ERC1: variants seen among roughly 807,000 people sequenced by gnomAD.
The protein encoded by ERC1 is ELKS/RAB6-interacting/CAST family member 1.
In ERC1, 56 loss-of-function variants were observed where a neutral mutation model predicts 132.0. The observed-to-expected ratio is 0.42, with a 90% CI of 0.34 to 0.53. ERC1 has a LOEUF of 0.53. ERC1 is among the 20% of genes least tolerant of loss of function. The pLI is 0.03. For synonymous variants in ERC1, 478 were observed against 476.1 expected (o/e 1.00, Z -0.05); for missense variants, 1,202 against 1,349.9 (o/e 0.89, Z 1.72).
chr12:1,200,836 G>A (rs1956849385), intron 12 of ERC1, among the ~76,000 whole-genome samples: 1 of 152,128 alleles, frequency 6.6e-6, no homozygotes, highest in African/African-American at 2.4e-5. Context: ...GGGATTTCAG[G>A]CGTGAGCCAC....
intron 16 of ERC1, among the ~76,000 whole-genome samples, chr12:1,397,881 A>G (rs1320412533): frequency 6.6e-6 from 1 of 151,956 alleles, no homozygotes; most frequent in East Asian, 1.9e-4. Context: ...ATCTAATTAT[A>G]TATTAAATTG....
chr12:1,279,275 C>A (rs147198356), intron 14 of ERC1, among the ~76,000 whole-genome samples: 2,425 of 152,250 alleles, frequency 0.016, 33 homozygotes, highest in Non-Finnish European at 0.025. Context: ...TGAAGCAGAA[C>A]TGAAGCCCCC....
At chr12:1,061,113 C>G (rs1046086325) in intron 2 of ERC1, among the ~76,000 whole-genome samples, 1 of 152,076 alleles carries the variant, frequency 6.6e-6, no homozygotes, top group African/African-American at 2.4e-5. Flanking sequence ...CCGATCTTGG[C>G]AAGTTCTATA....
intron 8 of ERC1, among the ~76,000 whole-genome samples, chr12:1,160,369 T>G (rs149645995): frequency 6.6e-5 from 10 of 152,352 alleles, no homozygotes; most frequent in Non-Finnish European, 1.2e-4. Flanking sequence ...TCACTTTGTT[T>G]GCAGGTCCAG....
chr12:1,031,439 C>T (rs1031524764), intron 2 of ERC1, among the ~76,000 whole-genome samples: 1 of 152,140 alleles, frequency 6.6e-6, no homozygotes, highest in Non-Finnish European at 1.5e-5. Context: ...TTTAATGCCT[C>T]CTACCATTCT....
At chr12:1,274,480 T>TTTTATTTTA (rs1555340356) in intron 14 of ERC1, among the ~76,000 whole-genome samples, 17 of 150,136 alleles carry the variant, frequency 1.1e-4, no homozygotes, top group Middle Eastern at 3.2e-3. Flanking sequence ...TTTTATTTTA[T>TTTTATTTTA]TTTATTTATT....
chr12:1,437,775 G>T (rs1287444953), intron 17 of ERC1, among the ~76,000 whole-genome samples: 1 of 152,110 alleles, frequency 6.6e-6, no homozygotes, highest in African/African-American at 2.4e-5. Flanking sequence ...TGTTTTGTTT[G>T]CTAGAGTGGT....
At position 1,486,007 on chromosome 12, in the gene ERC1, C is replaced by T. The variant is rs149781448; in HGVS notation, c.3214-4086C>T. 7.9e-4 allele frequency among the ~76,000 whole-genome samples: 120 copies of T among 152,286 alleles called. 1 individual carries two copies. The highest frequency in any genetic ancestry group is 2.7e-3 in the African/African-American group (112 of 41,544). On this transcript the variant is annotated intron_variant, in intron 18 of 18. Transcript: ENST00000360905. Reference sequence around the variant, plus strand: ...AACCATAAATGGGCCTAGTTGACCCCGTACAGTTCATTGACTTCATATGCT... The same window carrying T: ...AACCATAAATGGGCCTAGTTGACCCTGTACAGTTCATTGACTTCATATGCT...
At chr12:1,402,192 G>C (rs1299870622) in intron 16 of ERC1, among the ~76,000 whole-genome samples, 1 of 152,208 alleles carries the variant, frequency 6.6e-6, no homozygotes, top group Non-Finnish European at 1.5e-5. Flanking sequence ...TGCTGCTAAA[G>C]CAGTTCTTGG....
At chr12:1,395,424 AG>A (rs2090449167) in intron 16 of ERC1, among the ~76,000 whole-genome samples, 1 of 129,752 alleles carries the variant, frequency 7.7e-6, no homozygotes, top group Non-Finnish European at 1.6e-5. Context: ...TTTTTTTTTC[AG>A]TTTTAAAATG....
intron 12 of ERC1, among the ~76,000 whole-genome samples, chr12:1,220,623 AG>A (rs1451062325): frequency 6.6e-6 from 1 of 152,254 alleles, no homozygotes. Flanking sequence ...GCTCTTCAGC[AG>A]GGATTGGCAA....
intron 2 of ERC1, among the ~76,000 whole-genome samples, chr12:1,074,097 C>T (rs1489372919): frequency 4.6e-5 from 7 of 151,814 alleles, no homozygotes; most frequent in Admixed American, 4.6e-4. Flanking sequence ...CTCTTGACCT[C>T]GTGATCTGCC....
intron 2 of ERC1, among the ~76,000 whole-genome samples, chr12:1,077,892 A>G (rs1008577026): frequency 2.0e-5 from 3 of 152,126 alleles, no homozygotes; most frequent in African/African-American, 7.2e-5. Context: ...AGCTAGCCTG[A>G]TTGTAGCCAA....
intron 15 of ERC1, among the ~76,000 whole-genome samples, chr12:1,326,378 G>A (rs1241241883): frequency 6.6e-6 from 1 of 152,064 alleles, no homozygotes; most frequent in Non-Finnish European, 1.5e-5. Flanking sequence ...AGTCAGACTG[G>A]GATAATCATG....
intron 15 of ERC1, among the ~76,000 whole-genome samples, chr12:1,297,153 A>G (rs993126123): frequency 1.3e-5 from 2 of 151,914 alleles, no homozygotes; most frequent in Admixed American, 6.6e-5. Flanking sequence ...AGTCCTTATC[A>G]GAAACAGTGA....
rs1434238011 is a variant in ERC1, at chr12:1,493,850, A to G, written c.*3620A>G. 3 of 227,738 alleles carry G rather than the reference A, an allele frequency of 1.3e-5. No homozygotes were observed. The highest frequency in any genetic ancestry group is 2.2e-5 in the African/African-American group (1 of 44,876). The allele number at this position is 227,738 out of a possible 1,614,324, so 14.1% of individuals were successfully genotyped here. A position where few individuals can be genotyped will look rare whatever the true frequency, so the allele number is the denominator to read the frequency against. ...GAGAGAAGAGGAAGGCGAAGTCATC[A>G]CAGACACGGTCTTAGCCACCTGCTG... On this transcript the variant is annotated 3_prime_UTR_variant, in exon 19 of 19. Transcript: ENST00000360905.
chr12:1,055,152 C>T (rs1972707166), intron 2 of ERC1, among the ~76,000 whole-genome samples: 1 of 151,874 alleles, frequency 6.6e-6, no homozygotes, highest in Non-Finnish European at 1.5e-5. Context: ...ATTTCCTTTC[C>T]TTTCCTTTTT....
intron 14 of ERC1, among the ~76,000 whole-genome samples, chr12:1,277,786 A>G (rs2078378541): frequency 6.6e-6 from 1 of 152,228 alleles, no homozygotes; most frequent in Admixed American, 6.5e-5. Flanking sequence ...TTGTTCAAAG[A>G]TACTTCATTT....
At chr12:1,291,786 G>C (rs755684522) in intron 15 of ERC1, among the ~76,000 whole-genome samples, 1 of 152,192 alleles carries the variant, frequency 6.6e-6, no homozygotes, top group Admixed American at 6.5e-5. Context: ...AATGGTGACC[G>C]TAAGTTTGGG....
Sources: gnomAD v4.1 joint callset for allele counts (sites outside exome capture counted in the v4.1 genomes callset) on GRCh38, gnomAD v4.1.1 for gene constraint, MANE v1.5 for transcripts, NCBI Gene and HGNC (gene_info 2026-07-23, HGNC 2026-07-21) for gene names.